Variants in ZFAT observed in about 807,000 individuals in gnomAD.
ZFAT encodes the protein zinc finger protein ZFAT.
ZFAT carries 64 observed loss-of-function variants against 117.7 expected under a neutral mutation model. The observed-to-expected ratio is 0.54, with a 90% confidence interval of 0.44 to 0.67. ZFAT has a LOEUF of 0.67. Among genes scored for constraint, ZFAT ranks in the 30% least tolerant of loss-of-function variants. The pLI, the probability that ZFAT is intolerant of heterozygous loss-of-function variation, is 0.00. For synonymous variants in ZFAT, 679 were observed against 615.0 expected (o/e 1.10, Z -1.54); for missense variants, 1,433 against 1,584.5 (o/e 0.90, Z 1.62).
chr8:134,539,335 G>A (rs1281867251), intron 11 of ZFAT, among the ~76,000 whole-genome samples: 1 of 152,232 alleles, frequency 6.6e-6, no homozygotes, highest in Non-Finnish European at 1.5e-5. Flanking sequence ...CAGCAAGCAA[G>A]AAGGCTGTCA....
intron 15 of ZFAT, among the ~76,000 whole-genome samples, chr8:134,487,905 G>A (rs1817766926): frequency 6.6e-6 from 1 of 152,236 alleles, no homozygotes; most frequent in African/African-American, 2.4e-5. Context: ...AGTGAATGCT[G>A]CTTCTCGAAT....
chr8:134,671,930 A>T (rs990289350), intron 1 of ZFAT, among the ~76,000 whole-genome samples: 1 of 152,264 alleles, frequency 6.6e-6, no homozygotes, highest in Non-Finnish European at 1.5e-5. Context: ...ATCAATGTGC[A>T]AAGATCACAA....
chr8:134,832,150 C>T, the ZFAT span, among the ~76,000 whole-genome samples: 5 of 144,360 alleles, frequency 3.5e-5, no homozygotes, highest in African/African-American at 1.0e-4. Context: ...GGGCGGGGGG[C>T]AGGGGGCGCG....
chr8:134,612,164 T>C (rs1472093406), intron 3 of ZFAT, among the ~76,000 whole-genome samples: 4 of 152,210 alleles, frequency 2.6e-5, no homozygotes, highest in African/African-American at 9.7e-5. Flanking sequence ...CCTCAGAACA[T>C]ATGACAAATG....
chr8:134,575,987 A>G (rs903717351), intron 10 of ZFAT, among the ~76,000 whole-genome samples: 2 of 152,220 alleles, frequency 1.3e-5, no homozygotes, highest in African/African-American at 4.8e-5. Flanking sequence ...TGTAATTAGT[A>G]CATCAGTTTT....
chr8:134,609,250 A>G (rs1586810051), intron 4 of ZFAT, among the ~76,000 whole-genome samples: 2 of 152,150 alleles, frequency 1.3e-5, no homozygotes, highest in East Asian at 3.8e-4. Context: ...AAACTGCATT[A>G]AAGAAAAAGA....
chr8:134,625,614 A>T (rs565913950), intron 3 of ZFAT, among the ~76,000 whole-genome samples: 11 of 152,322 alleles, frequency 7.2e-5, no homozygotes, highest in African/African-American at 2.6e-4. Flanking sequence ...GTCTTACTCA[A>T]CTTTGATCCC....
chr8:134,771,543 C>A, the ZFAT span, among the ~76,000 whole-genome samples: 2 of 152,170 alleles, frequency 1.3e-5, no homozygotes, highest in Admixed American at 6.5e-5. Context: ...TATCTGAGAC[C>A]ACCTCAGCCT....
intron 15 of ZFAT, among the ~76,000 whole-genome samples, chr8:134,482,460 C>T (rs1354174473): frequency 6.6e-6 from 1 of 152,218 alleles, no homozygotes; most frequent in Non-Finnish European, 1.5e-5. Flanking sequence ...AAAGGCCCTG[C>T]GTCATCCAAT....
the ZFAT span, among the ~76,000 whole-genome samples, chr8:134,725,167 C>T: frequency 6.6e-6 from 1 of 152,202 alleles, no homozygotes; most frequent in African/African-American, 2.4e-5. Context: ...GCACACTGTA[C>T]CGCCCCATCC....
the ZFAT span, among the ~76,000 whole-genome samples, chr8:134,750,894 G>A: frequency 6.6e-6 from 1 of 152,160 alleles, no homozygotes; most frequent in African/African-American, 2.4e-5. Flanking sequence ...TTATGTTGAT[G>A]TTTTATCAAA....
intron 10 of ZFAT, among the ~76,000 whole-genome samples, chr8:134,574,159 G>A (rs921062614): frequency 4.6e-5 from 7 of 152,184 alleles, no homozygotes; most frequent in Non-Finnish European, 8.8e-5. Flanking sequence ...GTGGTAGGTG[G>A]GGGAGCCAGC....
At chr8:134,777,338 A>G in the ZFAT span, among the ~76,000 whole-genome samples, 42 of 152,306 alleles carry the variant, frequency 2.8e-4, no homozygotes, top group African/African-American at 9.9e-4. Flanking sequence ...AACTCAGTGC[A>G]CTTCTTCTTG....
chr8:134,646,552 A>G (rs1030832818), intron 2 of ZFAT, among the ~76,000 whole-genome samples: 8 of 152,154 alleles, frequency 5.3e-5, no homozygotes, highest in African/African-American at 7.2e-5. Context: ...GAAGGAAATA[A>G]TAGAATAGAG....
intron 1 of ZFAT, among the ~76,000 whole-genome samples, chr8:134,664,203 A>C (rs1832088186): frequency 1.4e-5 from 2 of 145,052 alleles, no homozygotes; most frequent in African/African-American, 2.6e-5. Flanking sequence ...CATGATCCCC[A>C]CTCTACAGTA....
At chr8:134,496,553 G>A (rs760606369) in intron 15 of ZFAT, among the ~76,000 whole-genome samples, 5 of 152,188 alleles carry the variant, frequency 3.3e-5, no homozygotes, top group Non-Finnish European at 5.9e-5. Context: ...GGGCAACTGG[G>A]CCCCACTAGC....
At chr8:134,509,585 C>G in intron 15 of ZFAT, 34 bp downstream of exon 15, 2 of 1,611,744 alleles carry the variant, frequency 1.2e-6, no homozygotes. Flanking sequence ...GTGAGACACA[C>G]AGAGATGAAT....
intron 1 of ZFAT, among the ~76,000 whole-genome samples, chr8:134,706,034 C>A (rs1055655380): frequency 6.6e-6 from 1 of 152,112 alleles, no homozygotes; most frequent in African/African-American, 2.4e-5. Flanking sequence ...GGACAGAGAG[C>A]AAGCAGAATT....
At chr8:134,537,345 T>G (rs940656709) in intron 11 of ZFAT, among the ~76,000 whole-genome samples, 1 of 152,254 alleles carries the variant, frequency 6.6e-6, no homozygotes, top group Non-Finnish European at 1.5e-5. Context: ...TGGCCATTTT[T>G]TTCCCTAGCA....
Sources: allele counts gnomAD v4.1 joint callset (sites outside exome capture counted in the v4.1 genomes callset), GRCh38; gene constraint gnomAD v4.1.1; transcripts MANE v1.5; gene names NCBI Gene and HGNC (gene_info 2026-07-23, HGNC 2026-07-21).